The following CTNNA2 variants were observed in gnomAD, a reference collection of about 807,000 sequenced individuals.
The protein encoded by CTNNA2 is catenin alpha 2.
In CTNNA2, 42 loss-of-function variants were observed where a neutral mutation model predicts 101.0. That is an observed-to-expected ratio of 0.42 (90% confidence interval 0.32 to 0.54). The LOEUF is 0.54. Among genes scored for constraint, CTNNA2 ranks in the 20% least tolerant of loss-of-function variants. The pLI, the probability that CTNNA2 is intolerant of heterozygous loss-of-function variation, is 0.14. For missense variants in CTNNA2, 871 were observed against 1,223.1 expected (o/e 0.71, Z 4.29); for synonymous variants, 450 against 456.4 (o/e 0.99, Z 0.18).
rs144647897 is a variant in CTNNA2 at position 79,225,549 on chromosome 2, A to G, written c.-406+27473A>G. The stretch of plus-strand genomic sequence containing the variant: ...TTAGGAGTTTATGTTCTTAACATTT[A>G]CAATAGGAGGCAATTAAATATAAGG... On this transcript the variant is annotated intron_variant, in intron 2 of 21. Transcript: ENST00000466387. Among the ~76,000 whole-genome samples, 1,045 of 152,316 alleles carry G rather than the reference A, an allele frequency of 6.9e-3. 43 individuals are homozygous for G. Among genetic ancestry groups the G allele is most frequent in the Admixed American group, 0.049 (747 of 15,292 alleles).
intron 7 of CTNNA2, among the ~76,000 whole-genome samples, chr2:80,085,049 AG>A (rs1372379226): frequency 6.6e-6 from 1 of 152,106 alleles, no homozygotes; most frequent in Non-Finnish European, 1.5e-5. Flanking sequence ...ATGGTAGAAG[AG>A]GAACTCAGAT....
At chr2:79,914,166 C>CAAAAAA (rs55675912) in intron 7 of CTNNA2, among the ~76,000 whole-genome samples, 23 of 90,554 alleles carry the variant, frequency 2.5e-4, no homozygotes, top group African/African-American at 4.1e-4. Flanking sequence ...GACTCCGTCT[C>CAAAAAA]AAAAAAAAAA....
intron 7 of CTNNA2, among the ~76,000 whole-genome samples, chr2:80,118,806 C>T (rs1007459289): frequency 6.6e-6 from 1 of 152,168 alleles, no homozygotes; most frequent in African/African-American, 2.4e-5. Context: ...CTGTAGGGGC[C>T]CAGCCGAGGC....
chr2:80,377,663 T>C (rs765295806), intron 7 of CTNNA2, among the ~76,000 whole-genome samples: 2 of 152,184 alleles, frequency 1.3e-5, no homozygotes, highest in Non-Finnish European at 2.9e-5. Flanking sequence ...ATAACATTGA[T>C]TTATTTATCA....
At chr2:79,878,519 T>A (rs1008425623) in intron 6 of CTNNA2, among the ~76,000 whole-genome samples, 1 of 152,336 alleles carries the variant, frequency 6.6e-6, no homozygotes, top group East Asian at 1.9e-4. Context: ...TTTTTAATAA[T>A]TGCCATTCTG....
chr2:80,302,482 G>C lies in CTNNA2; in HGVS notation c.1057-90729G>C, dbSNP rs770852349. ...CTGGGAAACACTTCCAGGACACGTA[G>C]AGCACCAGGACCACGATGAGGAAGG... On this transcript the variant is annotated intron_variant, in intron 7 of 18. Coordinates refer to ENST00000402739, the MANE Select transcript of CTNNA2 (RefSeq NM_001282597.3). The surrounding 1 kb of genome is among the most constrained non-coding windows in gnomAD (Gnocchi z 6.4). The C allele has an allele frequency of 6.2e-7, 1 of 1,613,966 alleles. No individual in the cohort carries two copies. Among genetic ancestry groups the C allele is most frequent in the South Asian group, 1.1e-5 (1 of 91,084 alleles).
chr2:79,876,464 G>T (rs1294936220), intron 6 of CTNNA2, among the ~76,000 whole-genome samples: 1 of 152,226 alleles, frequency 6.6e-6, no homozygotes, highest in South Asian at 2.1e-4. Context: ...TATTTAGTCA[G>T]ATTTTGACAC....
chr2:79,888,305 T>C (rs572342791), intron 6 of CTNNA2, among the ~76,000 whole-genome samples: 55 of 152,376 alleles, frequency 3.6e-4, no homozygotes, highest in African/African-American at 1.3e-3. Context: ...CACTGCTTCC[T>C]GAGCTATACC....
intron 7 of CTNNA2, among the ~76,000 whole-genome samples, chr2:80,367,164 C>T (rs1429690551): frequency 1.3e-5 from 2 of 152,102 alleles, no homozygotes; most frequent in Admixed American, 1.3e-4. Context: ...GTAGTGGGAC[C>T]CCAAGATTTA....
At chr2:79,975,766 G>A (rs1177578649) in intron 7 of CTNNA2, among the ~76,000 whole-genome samples, 1 of 152,242 alleles carries the variant, frequency 6.6e-6, no homozygotes, top group Non-Finnish European at 1.5e-5. Context: ...AAGGTACGGG[G>A]AAGGGGAGTG....
At chr2:80,127,461 C>G (rs1702199878) in intron 7 of CTNNA2, among the ~76,000 whole-genome samples, 1 of 152,114 alleles carries the variant, frequency 6.6e-6, no homozygotes, top group Non-Finnish European at 1.5e-5. Flanking sequence ...CAGCCTTTCC[C>G]TCCAACCATC....
At chr2:79,420,389 G>C (rs1257135109) in intron 4 of CTNNA2, among the ~76,000 whole-genome samples, 1 of 151,904 alleles carries the variant, frequency 6.6e-6, no homozygotes, top group African/African-American at 2.4e-5. Context: ...AGGAAGAATC[G>C]ACAAGAAACA....
intron 4 of CTNNA2, among the ~76,000 whole-genome samples, chr2:79,863,147 CAACA>C (rs200914770): frequency 0.25 from 36,713 of 145,732 alleles, 5,003 homozygotes; most frequent in East Asian, 0.57. Flanking sequence ...AACAAACAAA[CAACA>C]AAAAAAAGTT....
intron 3 of CTNNA2, among the ~76,000 whole-genome samples, chr2:79,852,454 G>T (rs1332899670): frequency 6.6e-6 from 1 of 152,180 alleles, no homozygotes; most frequent in East Asian, 1.9e-4. Flanking sequence ...CATTACATTT[G>T]CTCTGTGGTT....
intron 7 of CTNNA2, among the ~76,000 whole-genome samples, chr2:80,361,399 T>A (rs182304605): frequency 6.6e-4 from 101 of 152,250 alleles, no homozygotes; most frequent in Non-Finnish European, 1.2e-4. Context: ...TGTAGCTCAC[T>A]GGGTTCTGAA....
chr2:79,672,664 A>T (rs1682918507), intron 2 of CTNNA2, among the ~76,000 whole-genome samples: 1 of 151,560 alleles, frequency 6.6e-6, no homozygotes, highest in South Asian at 2.1e-4. Flanking sequence ...TACCTGAAAC[A>T]TAGATTTTTT....
At chr2:80,116,230 T>C (rs1476498480) in intron 7 of CTNNA2, among the ~76,000 whole-genome samples, 1 of 151,540 alleles carries the variant, frequency 6.6e-6, no homozygotes, top group East Asian at 1.9e-4. Context: ...CAAAAACAGG[T>C]TGTGGGATGG....
chr2:80,284,422 G>T, intron 7 of CTNNA2, among the ~76,000 whole-genome samples: 1 of 152,022 alleles, frequency 6.6e-6, no homozygotes, highest in East Asian at 1.9e-4. Flanking sequence ...TCCTTCCCTT[G>T]ACTGAGCCCA....
chr2:79,703,437 G>A (rs1558854539), intron 2 of CTNNA2, among the ~76,000 whole-genome samples: 1 of 152,066 alleles, frequency 6.6e-6, no homozygotes. Context: ...TTACCTATAT[G>A]GTAAGTGAAA....
Sources: allele counts gnomAD v4.1 joint callset (sites outside exome capture counted in the v4.1 genomes callset), GRCh38; gene constraint gnomAD v4.1.1; non-coding constraint Gnocchi (gnomAD v3.1); transcripts MANE v1.5; gene names NCBI Gene and HGNC (gene_info 2026-07-23, HGNC 2026-07-21).